Variants in TMEM154 observed in about 807,000 individuals in gnomAD.
TMEM154 encodes transmembrane protein 154.
In TMEM154, 27 loss-of-function variants were observed where a neutral mutation model predicts 24.5. The ratio of observed to expected loss-of-function variants is 1.10; its 90% CI spans 0.81 to 1.52. The LOEUF is 1.52. Ranked by LOEUF, TMEM154 falls within the 40% of genes most tolerant of loss-of-function variation. The probability of loss-of-function intolerance (pLI) is 0.00; values close to 1 mark genes in which losing one functional copy is unlikely to be tolerated. For missense variants in TMEM154, 228 were observed against 213.4 expected (o/e 1.07, Z -0.43); for synonymous variants, 67 against 76.8 (o/e 0.87, Z 0.67).
intron 1 of TMEM154, among the ~76,000 whole-genome samples, chr4:152,674,257 A>T (rs1340879040): frequency 6.6e-6 from 1 of 152,094 alleles, no homozygotes; most frequent in Non-Finnish European, 1.5e-5. Flanking sequence ...TAATGTTTTC[A>T]GGGAGCTCCT....
intron 1 of TMEM154, among the ~76,000 whole-genome samples, chr4:152,659,564 T>C (rs1418935110): frequency 6.6e-6 from 1 of 152,224 alleles, no homozygotes; most frequent in Non-Finnish European, 1.5e-5. Context: ...AAGTGATGGA[T>C]ACCCCAAATA....
chr4:152,631,794 T>C (rs13123855), intron 6 of TMEM154, among the ~76,000 whole-genome samples: 10 of 2,012 alleles, frequency 5.0e-3, no homozygotes, highest in Admixed American at 0.019. Flanking sequence ...TCTATCCCCC[T>C]TTTTTTTTTT....
chr4:152,632,853 G>T (rs538226546), intron 6 of TMEM154, among the ~76,000 whole-genome samples: 1 of 152,092 alleles, frequency 6.6e-6, no homozygotes, highest in Non-Finnish European at 1.5e-5. Context: ...CTTAGCCGGA[G>T]TTTCTTATCT....
rs954752159 is a variant in TMEM154, at chr4:152,619,898, G to C, written c.*8648C>G. On this transcript the variant is annotated 3_prime_UTR_variant, in exon 7 of 7. Coordinates refer to ENST00000304385, the MANE Select transcript of TMEM154 (RefSeq NM_152680.3). ...TGTGAAAAATAAATTGAGTGTTGTT[G>C]TTTTAAGCTGCTAAGTTTTGAGGTG... The C allele has an allele frequency of 6.6e-6, 1 of 152,236 alleles. No individual in the cohort carries two copies. The highest frequency in any genetic ancestry group is 1.5e-5 in the Non-Finnish European group (1 of 68,044). The allele number at this position is 152,236 out of a possible 1,614,324, so 9.4% of individuals were successfully genotyped here.
intron 1 of TMEM154, among the ~76,000 whole-genome samples, chr4:152,678,541 G>A (rs1004693367): frequency 6.6e-6 from 1 of 150,716 alleles, no homozygotes; most frequent in Admixed American, 6.6e-5. Context: ...TGGGGGGAGG[G>A]GGGCAGTGGT....
intron 5 of TMEM154, among the ~76,000 whole-genome samples, chr4:152,641,903 CT>C (rs780465309): frequency 0.018 from 757 of 41,218 alleles, no homozygotes; most frequent in Middle Eastern, 0.042. Flanking sequence ...AGCAATAATT[CT>C]TTTTTTTTTT....
intron 1 of TMEM154, among the ~76,000 whole-genome samples, chr4:152,675,473 C>G (rs1728934777): frequency 6.6e-6 from 1 of 151,682 alleles, no homozygotes; most frequent in Non-Finnish European, 1.5e-5. Flanking sequence ...ACTAAAAATA[C>G]AAAATTAGCC....
In TMEM154 at chr4:152,652,926, A is replaced by G. The variant is rs745497793; in HGVS notation, c.66T>C (p.Gly22=). ...CTGAGTTTTCTAATTCCTCATAATT[A>G]CCTGTGGGAATAGATACAAAATTGA... ...LVIALVPVGR[G]NYEELENSGD... The change falls in exon 2 of 7, where the codon GGT becomes GGC. Residue 22 remains glycine, a splice_region_variant and synonymous_variant. Transcript: ENST00000304385. 10 of 1,593,432 alleles carry G rather than the reference A, an allele frequency of 6.3e-6. No homozygotes were observed. In the East Asian group the frequency reaches 2.2e-4, roughly 36 times the overall value.
chr4:152,631,792 CCTTTTTTTTTTT>C (rs1396044924), intron 6 of TMEM154, among the ~76,000 whole-genome samples: 13 of 131,538 alleles, frequency 9.9e-5, no homozygotes, highest in Admixed American at 6.6e-4. Flanking sequence ...AATCTATCCC[CCTTTTTTTTTTT>C]TTTTTTTTTT....
chr4:152,652,555 T>C lies in TMEM154; in HGVS notation c.347A>G (p.Gln116Arg), dbSNP rs1203790412. The C allele has an allele frequency of 3.1e-6, 5 of 1,613,980 alleles. No individual in the cohort carries two copies. The Admixed American group carries it at 8.3e-5, about 27-fold the overall frequency. ...TKQEPSSQGS[Q>R]SALQTYELGS... is the part of the protein sequence containing the mutation. ...ATACTCACATGTCTGTAAAGCACTCTGAGATCCTTGGCTAGAAGGTTCTGT... is the reference window on the plus strand; with the variant it reads ...ATACTCACATGTCTGTAAAGCACTCCGAGATCCTTGGCTAGAAGGTTCTGT... Residue 116 changes from glutamine to arginine, a missense_variant, in exon 3 of 7, where the codon CAG becomes CGG. By Grantham distance (43) the Gln-to-Arg change is conservative. Coordinates refer to ENST00000304385, the MANE Select transcript of TMEM154 (RefSeq NM_152680.3).
intron 1 of TMEM154, among the ~76,000 whole-genome samples, chr4:152,666,114 G>A (rs538647585): frequency 1.3e-5 from 2 of 151,790 alleles, no homozygotes; most frequent in South Asian, 2.1e-4. Context: ...CAAGTAATCA[G>A]GTTGTGCTGA....
chr4:152,641,769 C>A (rs28513397), intron 5 of TMEM154, among the ~76,000 whole-genome samples: 1 of 151,150 alleles, frequency 6.6e-6, no homozygotes, highest in East Asian at 1.9e-4. Flanking sequence ...CTCAATGACC[C>A]GCCCCATCCT....
chr4:152,633,794 T>C (rs1334210284), intron 6 of TMEM154, among the ~76,000 whole-genome samples: 1 of 152,096 alleles, frequency 6.6e-6, no homozygotes, highest in Non-Finnish European at 1.5e-5. Context: ...GGGAACATAG[T>C]GAGACACTGT....
At chr4:152,654,320 C>T (rs1257083610) in intron 1 of TMEM154, among the ~76,000 whole-genome samples, 1 of 152,200 alleles carries the variant, frequency 6.6e-6, no homozygotes, top group African/African-American at 2.4e-5. Flanking sequence ...TATGCAAATA[C>T]AGAAGTCAGC....
At position 152,626,393 on chromosome 4, in the gene TMEM154, C is replaced by A. The variant is rs1268015345; in HGVS notation, c.*2153G>T. 1.3e-5 allele frequency: 2 copies of A among 152,332 alleles called. No homozygotes were observed. Among genetic ancestry groups the A allele is most frequent in the Non-Finnish European group, 2.9e-5 (2 of 68,018 alleles). The allele number at this position is 152,332 out of a possible 1,614,324, so 9.4% of individuals were successfully genotyped here. ...TGAAACTGTCATAAACATATGATAT[C>A]TATTGATTAAACAGTAATAAAAAGA... On this transcript the variant is annotated 3_prime_UTR_variant, in exon 7 of 7. Transcript: ENST00000304385.
chr4:152,661,869 C>G (rs543051478), intron 1 of TMEM154, among the ~76,000 whole-genome samples: 26 of 152,300 alleles, frequency 1.7e-4, no homozygotes, highest in African/African-American at 6.3e-4. Flanking sequence ...CAGAAGTAAC[C>G]ACCGTTTCTG....
rs1192633639 is a variant in TMEM154, at chr4:152,626,884, T to C, written c.*1662A>G. ...CAATTGTATGCAATTTTGGCATAAA[T>C]ATCTGAGAGTCACTGTGGGCCATGA... On this transcript the variant is annotated 3_prime_UTR_variant, in exon 7 of 7. Transcript: ENST00000304385. The C allele has an allele frequency of 6.6e-6, 1 of 152,180 alleles. No homozygotes were observed. Among genetic ancestry groups the C allele is most frequent in the African/African-American group, 2.4e-5 (1 of 41,432 alleles). The allele number at this position is 152,180 out of a possible 1,614,324, so 9.4% of individuals were successfully genotyped here.
At chr4:152,628,598 AAAACACAC>A in intron 6 of TMEM154, 37 bp from the exon 7 acceptor site, 1 of 1,168,362 alleles carries the variant, frequency 8.6e-7, no homozygotes, top group East Asian at 4.0e-5. Flanking sequence ...AAAAACAAAA[AAAACACAC>A]ACACACACAC....
At chr4:152,655,408 T>G (rs1480716751) in intron 1 of TMEM154, among the ~76,000 whole-genome samples, 1 of 152,210 alleles carries the variant, frequency 6.6e-6, no homozygotes, top group Non-Finnish European at 1.5e-5. Flanking sequence ...GCAATGGCAT[T>G]GCTCCAGAGA....
Sources: allele counts gnomAD v4.1 joint callset (sites outside exome capture counted in the v4.1 genomes callset), GRCh38; gene constraint gnomAD v4.1.1; transcripts MANE v1.5; gene names NCBI Gene and HGNC (gene_info 2026-07-23, HGNC 2026-07-21).